The following SLC28A3 variants were observed in gnomAD, a reference collection of about 807,000 sequenced individuals.
The protein encoded by SLC28A3 is concentrative Na(+)-nucleoside cotransporter 3.
SLC28A3 carries 68 observed loss-of-function variants against 84.2 expected under a neutral mutation model. That is an observed-to-expected ratio of 0.81 (90% CI 0.66 to 0.99). SLC28A3 has a LOEUF of 0.99. Among genes scored for constraint, SLC28A3 ranks in the 50% least tolerant of loss-of-function variants. SLC28A3 has a pLI of 0.00. For missense variants in SLC28A3, 712 were observed against 841.5 expected (o/e 0.85, Z 1.90); for synonymous variants, 267 against 303.6 (o/e 0.88, Z 1.25).
the SLC28A3 span, among the ~76,000 whole-genome samples, chr9:84,359,842 A>C: frequency 6.6e-6 from 1 of 151,978 alleles, no homozygotes; most frequent in East Asian, 1.9e-4. Flanking sequence ...TTCTACAAAA[A>C]ATACAAAAAT....
intron 3 of SLC28A3, among the ~76,000 whole-genome samples, chr9:84,305,913 AG>A (rs966297487): frequency 5.3e-5 from 8 of 152,288 alleles, no homozygotes; most frequent in African/African-American, 1.9e-4. Flanking sequence ...GGGTTGTCAC[AG>A]CTTTCTCAGA....
intron 1 of SLC28A3, among the ~76,000 whole-genome samples, chr9:84,333,863 T>C (rs1399108916): frequency 2.0e-5 from 3 of 152,218 alleles, no homozygotes; most frequent in African/African-American, 7.2e-5. Flanking sequence ...CTAGCTGCAA[T>C]GTTTGTAGAA....
At chr9:84,338,940 C>G (rs1286427718) in intron 1 of SLC28A3, among the ~76,000 whole-genome samples, 2 of 152,132 alleles carry the variant, frequency 1.3e-5, no homozygotes, top group Non-Finnish European at 2.9e-5. Context: ...AAAAGCAGCA[C>G]ATTTATTGAT....
intron 13 of SLC28A3, 144 bp downstream of exon 13, chr9:84,285,799 G>A: frequency 1.0e-6 from 1 of 1,000,818 alleles, no homozygotes; most frequent in Non-Finnish European, 1.4e-6. Context: ...GAAAAGGTGG[G>A]TGGGAAGTTG....
intron 3 of SLC28A3, 75 bp downstream of exon 3, chr9:84,309,554 C>G: frequency 2.3e-6 from 1 of 437,944 alleles, no homozygotes; most frequent in Non-Finnish European, 3.9e-6. Flanking sequence ...AAAAAGAAAT[C>G]AAATGGGGAT....
intron 9 of SLC28A3, among the ~76,000 whole-genome samples, chr9:84,293,184 T>C (rs967928551): frequency 1.3e-5 from 2 of 152,062 alleles, no homozygotes; most frequent in African/African-American, 4.8e-5. Context: ...CACAGAACAG[T>C]TTAGTTGTTT....
intron 8 of SLC28A3, among the ~76,000 whole-genome samples, chr9:84,295,777 C>G (rs557760077): frequency 6.6e-6 from 1 of 152,272 alleles, no homozygotes; most frequent in East Asian, 1.9e-4. Context: ...GTACCCCCTC[C>G]CTACTGTTCC....
At chr9:84,353,582 C>T in the SLC28A3 span, among the ~76,000 whole-genome samples, 176 of 152,146 alleles carry the variant, frequency 1.2e-3, 4 homozygotes, top group Non-Finnish European at 1.4e-3. Context: ...TGTTGATGCG[C>T]GCCTGTAATC....
Position 84,310,739 on chromosome 9 carries a change from G to A in SLC28A3, c.157-1025C>T, listed in dbSNP as rs559610261. 8.0e-4 allele frequency among the ~76,000 whole-genome samples: 122 copies of A among 152,316 alleles called. No individual in the cohort carries two copies. In the Middle Eastern group the frequency reaches 0.02, roughly 25 times the overall value. The stretch of plus-strand genomic sequence containing the variant: ...GCTGGACCCTAGGAACAAGGAAGGT[G>A]TGAGGATAATTGTAAGAGAGACCAG... On this transcript the variant is annotated intron_variant, in intron 2 of 17. Transcript: ENST00000376238.
At chr9:84,299,498 A>G in intron 6 of SLC28A3, 83 bp downstream of exon 6, 1 of 1,551,930 alleles carries the variant, frequency 6.4e-7, no homozygotes, top group Non-Finnish European at 8.8e-7. Flanking sequence ...CAATAGTTAA[A>G]TTCTCTCACA....
At chr9:84,301,647 C>G (rs1825641634) in intron 5 of SLC28A3, among the ~76,000 whole-genome samples, 1 of 152,150 alleles carries the variant, frequency 6.6e-6, no homozygotes, top group Admixed American at 6.5e-5. Flanking sequence ...AATAAAAGCT[C>G]TTTACAGACA....
At chr9:84,289,925 G>T in intron 11 of SLC28A3, 2 of 359,952 alleles carry the variant, frequency 5.6e-6, no homozygotes, top group African/African-American at 2.0e-5. Flanking sequence ...GCATTTTTCT[G>T]TTTTTATTCT....
At chr9:84,316,881 G>T (rs557094645) in intron 1 of SLC28A3, among the ~76,000 whole-genome samples, 1 of 152,184 alleles carries the variant, frequency 6.6e-6, no homozygotes, top group East Asian at 1.9e-4. Flanking sequence ...GGCACCTGTA[G>T]TCCCAGCTAC....
intron 15 of SLC28A3, 145 bp downstream of exon 15, chr9:84,280,656 C>G: frequency 1.3e-6 from 1 of 759,624 alleles, no homozygotes; most frequent in Non-Finnish European, 2.1e-6. Context: ...ATATTGCAGA[C>G]TAGAGATTAA....
At chr9:84,295,699 G>T (rs183861064) in intron 8 of SLC28A3, among the ~76,000 whole-genome samples, 17 of 152,198 alleles carry the variant, frequency 1.1e-4, no homozygotes, top group African/African-American at 3.4e-4. Context: ...TTTCCACAGA[G>T]AGCAGTTTCT....
At chr9:84,287,067 G>C (rs1825019293) in intron 12 of SLC28A3, among the ~76,000 whole-genome samples, 1 of 152,090 alleles carries the variant, frequency 6.6e-6, no homozygotes, top group Non-Finnish European at 1.5e-5. Flanking sequence ...AGCTGGGTGT[G>C]GTGCTGCGTG....
intron 1 of SLC28A3, among the ~76,000 whole-genome samples, chr9:84,328,412 A>C (rs946223088): frequency 3.3e-5 from 5 of 151,432 alleles, no homozygotes; most frequent in African/African-American, 1.2e-4. Context: ...CACAGTGGGC[A>C]AATTGCTTGA....
chr9:84,323,234 T>C (rs1220625110), intron 1 of SLC28A3, among the ~76,000 whole-genome samples: 1 of 152,172 alleles, frequency 6.6e-6, no homozygotes, highest in Non-Finnish European at 1.5e-5. Context: ...TAGGCACCAG[T>C]ACATTACCTG....
At chr9:84,312,569 C>T (rs1447173775) in intron 2 of SLC28A3, among the ~76,000 whole-genome samples, 2 of 143,618 alleles carry the variant, frequency 1.4e-5, no homozygotes, top group East Asian at 2.0e-4. Context: ...TTGAGAATCT[C>T]GCTCTGTCGC....
Sources: gnomAD v4.1 joint callset for allele counts (sites outside exome capture counted in the v4.1 genomes callset) on GRCh38, gnomAD v4.1.1 for gene constraint, MANE v1.5 for transcripts, NCBI Gene and HGNC (gene_info 2026-07-23, HGNC 2026-07-21) for gene names.